The following NEDD4 variants were observed in gnomAD, a reference collection of about 807,000 sequenced individuals.
NEDD4 encodes the protein NEDD4 E3 ubiquitin protein ligase, also known as E3 ubiquitin-protein ligase NEDD4.
A neutral mutation model predicts 144.9 loss-of-function variants in NEDD4; 99 were observed. The ratio of observed to expected loss-of-function variants is 0.68; its 90% CI spans 0.58 to 0.81. The LOEUF (loss-of-function observed/expected upper bound fraction) is 0.81. NEDD4 is among the 30% of genes least tolerant of loss of function. The probability of loss-of-function intolerance (pLI) is 0.00; values close to 1 mark genes in which losing one functional copy is unlikely to be tolerated. For missense variants in NEDD4, 985 were observed against 1,065.9 expected, an observed-to-expected ratio of 0.92 and a Z score of 1.06; for synonymous variants, 318 against 350.6, an observed-to-expected ratio of 0.91 and a Z score of 1.04.
At position 55,882,982 on chromosome 15, in the gene NEDD4, T is replaced by C. The variant is rs191193243; in HGVS notation, c.292-8974A>G. Among the ~76,000 whole-genome samples, 9 of 152,274 alleles carry C rather than the reference T, an allele frequency of 5.9e-5. No homozygotes were observed. In the East Asian group the frequency reaches 7.7e-4, roughly 13 times the overall value. ...AGCACATTCTCAGCTGTGTTGGCTA[T>C]AGAGACTCCTGCGTGGGAAGAGTAG... is the stretch of plus-strand genomic sequence containing the variant. On this transcript the variant is annotated intron_variant, in intron 5 of 28. Coordinates refer to ENST00000435532, the MANE Select transcript of NEDD4 (RefSeq NM_006154.4).
At chr15:55,903,785 A>C (rs1595821998) in intron 5 of NEDD4, among the ~76,000 whole-genome samples, 1 of 147,004 alleles carries the variant, frequency 6.8e-6, no homozygotes, top group African/African-American at 2.5e-5. Context: ...AGATCGTGCC[A>C]CTGCACTCCA....
Position 55,951,374 on chromosome 15 carries a change from ACT to A in NEDD4, c.237_237+1del. On this transcript the variant is annotated splice_donor_variant and coding_sequence_variant, in exon 4 of 29. Coordinates refer to ENST00000435532, the MANE Select transcript of NEDD4 (RefSeq NM_006154.4). LOFTEE classifies it high-confidence loss of function. Reference sequence around the variant, plus strand: ...CTTTAGTAAAATAAAATATATACTTACTCTGAATAATATTTCTTCATTCCACT... The same window carrying A: ...CTTTAGTAAAATAAAATATATACTTACTGAATAATATTTCTTCATTCCACT... The A allele has an allele frequency of 1.1e-6, 1 of 925,996 alleles. No homozygotes were observed. Among genetic ancestry groups the A allele is most frequent in the East Asian group, 2.9e-5 (1 of 35,018 alleles). 57.4% of individuals were successfully genotyped at this position (925,996 alleles called of 1,614,324 possible).
At chr15:55,916,691 AACAACG>A in intron 5 of NEDD4, 4 of 1,614,048 alleles carry the variant, frequency 2.5e-6, no homozygotes, top group Non-Finnish European at 3.4e-6. Context: ...GCTTCATTTG[AACAACG>A]TTAGACGTTG....
chr15:55,964,321 CTT>C (rs761603531), intron 2 of NEDD4, among the ~76,000 whole-genome samples: 57 of 152,070 alleles, frequency 3.7e-4, no homozygotes, highest in Admixed American at 7.2e-4. Context: ...TTTCTCCAAT[CTT>C]TGTCTCTCTC....
intron 18 of NEDD4, among the ~76,000 whole-genome samples, chr15:55,843,864 G>A (rs370943831): frequency 6.6e-6 from 1 of 151,628 alleles, no homozygotes; most frequent in Admixed American, 6.6e-5. Context: ...ATTGTAGTAG[G>A]GCCAACGATG....
chr15:55,910,996 C>T (rs1175493939), intron 5 of NEDD4, among the ~76,000 whole-genome samples: 3 of 152,102 alleles, frequency 2.0e-5, no homozygotes, highest in Admixed American at 1.3e-4. Context: ...CAGGCCTAAT[C>T]GGACTCTGAC....
In NEDD4 at chr15:55,848,580, A is replaced by C. The variant is rs1226546951; in HGVS notation, c.1429-5T>G. On this transcript the variant is annotated splice_region_variant and splice_polypyrimidine_tract_variant and intron_variant, in intron 15 of 28. Coordinates refer to ENST00000435532, the MANE Select transcript of NEDD4 (RefSeq NM_006154.4). Reference sequence around the variant, plus strand: ...AGTTCTCTCTTCCCATCCTGGCTATAATTAAAAATGTATTTCAATTATTTT... The same window carrying C: ...AGTTCTCTCTTCCCATCCTGGCTATCATTAAAAATGTATTTCAATTATTTT... 1 of 1,611,306 alleles carries C rather than the reference A, an allele frequency of 6.2e-7. No homozygotes were observed. The highest frequency in any genetic ancestry group is 1.3e-5 in the African/African-American group (1 of 74,892).
chr15:55,915,053 G>C (rs537293092), intron 5 of NEDD4, among the ~76,000 whole-genome samples: 1 of 152,066 alleles, frequency 6.6e-6, no homozygotes, highest in East Asian at 1.9e-4. Flanking sequence ...AAATCACTTA[G>C]GAAGATTTTT....
intron 1 of NEDD4, 78 bp downstream of exon 1, chr15:55,993,433 C>A (rs1402301150): frequency 1.6e-5 from 24 of 1,541,962 alleles, no homozygotes; most frequent in South Asian, 5.8e-5. Context: ...CGGTCGTGGC[C>A]GCCGCCGCTA....
chr15:55,964,760 G>C (rs893069133), intron 2 of NEDD4, among the ~76,000 whole-genome samples: 2 of 148,896 alleles, frequency 1.3e-5, no homozygotes, highest in Non-Finnish European at 3.0e-5. Flanking sequence ...TTGGATATTT[G>C]TATCCTTCAA....
intron 6 of NEDD4, 42 bp downstream of exon 6, chr15:55,873,916 A>G: frequency 8.3e-7 from 1 of 1,207,220 alleles, no homozygotes. Context: ...ATTAAATTAA[A>G]AAAATAAGCC....
intron 5 of NEDD4, among the ~76,000 whole-genome samples, chr15:55,906,072 C>A (rs1189111182): frequency 6.6e-6 from 1 of 152,070 alleles, no homozygotes; most frequent in African/African-American, 2.4e-5. Flanking sequence ...CAAATCAAAA[C>A]CACAATGAGA....
Position 55,934,860 on chromosome 15 carries a change from C to CTTTTTTT in NEDD4, c.238-10168_238-10162dup, listed in dbSNP as rs564385465. The CTTTTTTT allele has an allele frequency of 2.5e-5, 2 of 80,838 alleles. 1 individual carries two copies. The highest frequency in any genetic ancestry group is 1.0e-4 in the African/African-American group (2 of 19,106). The allele number at this position is 80,838 out of a possible 1,614,324, so 5.0% of individuals were successfully genotyped here. ...ATATATTCCTATATACAATGTTCTGCTTTTTTTTTTTTTTTTTTTTTTTTT... is the reference window on the plus strand; with the variant it reads ...ATATATTCCTATATACAATGTTCTGCTTTTTTTTTTTTTTTTTTTTTTTTTTTTTTTT... On this transcript the variant is annotated intron_variant, in intron 4 of 28. Transcript: ENST00000435532.
At chr15:55,960,993 G>A (rs1480592748) in intron 2 of NEDD4, among the ~76,000 whole-genome samples, 4 of 152,146 alleles carry the variant, frequency 2.6e-5, no homozygotes, top group African/African-American at 7.2e-5. Flanking sequence ...GTTTTGTTGA[G>A]TTGCCTCCCG....
At chr15:55,915,698 CA>C in intron 5 of NEDD4, 1 of 1,613,928 alleles carries the variant, frequency 6.2e-7, no homozygotes, top group Non-Finnish European at 8.5e-7. Context: ...GGGTGAAATG[CA>C]CTGAAACACA....
At chr15:55,865,609 A>G (rs2034559742) in intron 8 of NEDD4, among the ~76,000 whole-genome samples, 1 of 151,876 alleles carries the variant, frequency 6.6e-6, no homozygotes, top group Admixed American at 6.6e-5. Flanking sequence ...TTGATAACTG[A>G]CACAGAATAA....
chr15:55,839,981 AAAAAAAAAAAAAAAAAAAATATAT>A (rs1457103094), intron 21 of NEDD4, among the ~76,000 whole-genome samples: 45 of 35,676 alleles, frequency 1.3e-3, no homozygotes, highest in African/African-American at 4.3e-3. Flanking sequence ...CTCAAAAAAA[AAAAAAAAAAAAAAAAAAAATATAT>A]ATATATATAT....
intron 4 of NEDD4, among the ~76,000 whole-genome samples, chr15:55,931,883 C>A (rs937981736): frequency 8.5e-5 from 13 of 152,118 alleles, no homozygotes; most frequent in African/African-American, 2.2e-4. Flanking sequence ...CAAAATGAAA[C>A]CTTATGTCTT....
chr15:55,908,032 T>C (rs1201226942), intron 5 of NEDD4, among the ~76,000 whole-genome samples: 1 of 152,140 alleles, frequency 6.6e-6, no homozygotes, highest in African/African-American at 2.4e-5. Flanking sequence ...ACGCAAAGGA[T>C]GAAGCATCAC....
Sources: allele counts gnomAD v4.1 joint callset (sites outside exome capture counted in the v4.1 genomes callset), GRCh38; gene constraint gnomAD v4.1.1; transcripts MANE v1.5; gene names NCBI Gene and HGNC (gene_info 2026-07-23, HGNC 2026-07-21).